The following SMARCAL1 variants were observed in gnomAD, a reference collection of about 807,000 sequenced individuals.
The protein encoded by SMARCAL1 is SNF2 related chromatin remodeling annealing helicase 1.
SMARCAL1 carries 58 observed loss-of-function variants against 94.5 expected under a neutral mutation model. The ratio of observed to expected loss-of-function variants is 0.61; its 90% CI spans 0.50 to 0.76. The LOEUF (loss-of-function observed/expected upper bound fraction) is 0.76. SMARCAL1 is among the 30% of genes least tolerant of loss of function. The pLI is 0.00. For synonymous variants in SMARCAL1, 422 were observed against 455.1 expected (o/e 0.93, Z 0.93); for missense variants, 1,051 against 1,177.9 (o/e 0.89, Z 1.58).
In SMARCAL1 at chr2:216,461,055, GGTGTGTGTGT is replaced by G. The variant is rs71054476; in HGVS notation, c.2071-3515_2071-3506del. On this transcript the variant is annotated intron_variant, in intron 12 of 17. Coordinates refer to ENST00000357276, the MANE Select transcript of SMARCAL1 (RefSeq NM_014140.4). ...TTATATTGATGTAAAACTAGAAAGA[GGTGTGTGTGT>G]GTGTGTGTGTGTGTGTGTGTGTGTG... is the stretch of plus-strand genomic sequence containing the variant. Among the ~76,000 whole-genome samples, 56 of 146,348 alleles carry G rather than the reference GGTGTGTGTGT, an allele frequency of 3.8e-4. 1 individual carries two copies. Among genetic ancestry groups the G allele is most frequent in the Non-Finnish European group, 2.4e-4 (16 of 66,204 alleles).
chr2:216,416,418 T>A lies in SMARCAL1; in HGVS notation c.862+111T>A, dbSNP rs200990164. ...GCATGGCTTTACAGGTGGTGAAAGC[T>A]TTCAGGGCACCCCCCCCAACACTCC... is the stretch of plus-strand genomic sequence containing the variant. On this transcript the variant is annotated intron_variant, in intron 4 of 17. Coordinates refer to ENST00000357276, the MANE Select transcript of SMARCAL1 (RefSeq NM_014140.4). 563 of 879,880 alleles carry A rather than the reference T, an allele frequency of 6.4e-4. 4 individuals are homozygous for A. The East Asian group carries it at 0.013, about 21-fold the overall frequency. 54.5% of individuals were successfully genotyped at this position (879,880 alleles called of 1,614,324 possible).
chr2:216,445,136 T>C (rs77396055), intron 10 of SMARCAL1, among the ~76,000 whole-genome samples: 2,303 of 152,296 alleles, frequency 0.015, 58 homozygotes, highest in African/African-American at 0.053. Context: ...TATGTAGTTT[T>C]ATAGATTTCT....
intron 10 of SMARCAL1, among the ~76,000 whole-genome samples, chr2:216,442,453 A>C (rs1283862770): frequency 6.6e-6 from 1 of 152,048 alleles, no homozygotes; most frequent in Admixed American, 6.5e-5. Flanking sequence ...ACAATACAAA[A>C]GGATGGACAG....
chr2:216,429,690 C>A (rs994434415), intron 7 of SMARCAL1, among the ~76,000 whole-genome samples: 1 of 151,718 alleles, frequency 6.6e-6, no homozygotes, highest in African/African-American at 2.4e-5. Flanking sequence ...CCTGCCTGCT[C>A]GAAGCCTGAT....
intron 13 of SMARCAL1, 98 bp from the exon 14 acceptor site, chr2:216,467,846 T>C (rs1015453222): frequency 4.2e-5 from 34 of 800,244 alleles, no homozygotes; most frequent in Admixed American, 2.2e-4. Flanking sequence ...TCATCTTCTA[T>C]GATCCCAGAT....
chr2:216,412,720 G>C (rs1232081644), intron 1 of SMARCAL1, 72 bp downstream of exon 1: 1 of 152,976 alleles, frequency 6.5e-6, no homozygotes, highest in Non-Finnish European at 1.5e-5. Context: ...AGGAGGAAGT[G>C]GGCCAATGGG....
intron 12 of SMARCAL1, among the ~76,000 whole-genome samples, chr2:216,461,342 TTATG>T (rs762598272): frequency 1.1e-4 from 17 of 151,942 alleles, no homozygotes; most frequent in Non-Finnish European, 2.2e-4. Flanking sequence ...TTTTCTATAA[TTATG>T]TGTGTATATG....
Position 216,450,965 on chromosome 2 carries a change from GCA to G in SMARCAL1, c.1972_1973del (p.Gln658AlafsTer33). 6.2e-7 allele frequency: 1 copy of G among 1,614,234 alleles called. No individual in the cohort carries two copies. The highest frequency in any genetic ancestry group is 8.5e-7 in the Non-Finnish European group (1 of 1,180,034). ...ACGTCCTTTCCCAGCTGCCTGCCAA[GCA>G]GCGCAAGATAGTGGTGATTGCCCCA... The part of the protein sequence containing the change: ...SDVLSQLPAK[Q>X]RKIVVIAPGR... On this transcript the variant is annotated frameshift_variant, in exon 12 of 18. Coordinates refer to ENST00000357276, the MANE Select transcript of SMARCAL1 (RefSeq NM_014140.4). LOFTEE classifies it high-confidence loss of function.
chr2:216,413,282 C>T (rs760056673), intron 1 of SMARCAL1, among the ~76,000 whole-genome samples: 1 of 152,208 alleles, frequency 6.6e-6, no homozygotes, highest in African/African-American at 2.4e-5. Context: ...AACCGTTACA[C>T]AGCATTACAT....
chr2:216,428,735 C>T lies in SMARCAL1; in HGVS notation c.1287C>T (p.Asp429=). The T allele has an allele frequency of 2.5e-6, 4 of 1,614,222 alleles. No individual in the cohort carries two copies. The highest frequency in any genetic ancestry group is 3.4e-6 in the Non-Finnish European group (4 of 1,180,028). The change falls in exon 7 of 18, where the codon GAC becomes GAT. Residue 429 remains aspartate (D), a synonymous_variant. Transcript: ENST00000357276. Reference sequence around the variant, plus strand: ...CAGAGGCAGACCTTTCTGAAGTGGACCCCAAGCTCGTGTCTAATCTGATGC... The same window carrying T: ...CAGAGGCAGACCTTTCTGAAGTGGATCCCAAGCTCGTGTCTAATCTGATGC... The part of the protein sequence containing the change: ...DVPEADLSEV[D]PKLVSNLMPF...
intron 14 of SMARCAL1, among the ~76,000 whole-genome samples, 160 bp downstream of exon 14, chr2:216,468,206 G>T (rs1694876096): frequency 6.6e-6 from 1 of 152,188 alleles, no homozygotes; most frequent in African/African-American, 2.4e-5. Flanking sequence ...CCACAGTGGG[G>T]TCAAAATGTT....
intron 10 of SMARCAL1, 90 bp downstream of exon 10, chr2:216,438,575 T>G: frequency 4.5e-6 from 5 of 1,108,464 alleles, no homozygotes; most frequent in Non-Finnish European, 6.7e-6. Flanking sequence ...CAGCAGGGGT[T>G]GCAAGTATAG....
At chr2:216,440,973 A>G (rs1038031978) in intron 10 of SMARCAL1, among the ~76,000 whole-genome samples, 1 of 152,160 alleles carries the variant, frequency 6.6e-6, no homozygotes, top group African/African-American at 2.4e-5. Context: ...AGAACCACCA[A>G]TCTAAATAAG....
chr2:216,418,193 A>G (rs1693645999), intron 4 of SMARCAL1, among the ~76,000 whole-genome samples: 1 of 152,216 alleles, frequency 6.6e-6, no homozygotes, highest in Non-Finnish European at 1.5e-5. Context: ...TGTTGGGATT[A>G]TAGATGTGAG....
intron 14 of SMARCAL1, among the ~76,000 whole-genome samples, chr2:216,470,635 G>A (rs1694943957): frequency 6.6e-6 from 1 of 151,488 alleles, no homozygotes; most frequent in East Asian, 1.9e-4. Context: ...CCTCAGGAAT[G>A]TACCACCACG....
At chr2:216,413,142 G>A (rs1236420229) in intron 1 of SMARCAL1, among the ~76,000 whole-genome samples, 4 of 142,898 alleles carry the variant, frequency 2.8e-5, no homozygotes, top group African/African-American at 1.0e-4. Context: ...TAGATACTTC[G>A]TGGTGGGGGA....
chr2:216,416,727 A>C (rs1056055008), intron 4 of SMARCAL1, among the ~76,000 whole-genome samples: 9 of 152,216 alleles, frequency 5.9e-5, no homozygotes, highest in Non-Finnish European at 1.3e-4. Context: ...TGCTGGCCCC[A>C]GCAGTGACAG....
At chr2:216,437,197 G>A (rs951278117) in intron 9 of SMARCAL1, among the ~76,000 whole-genome samples, 7 of 152,134 alleles carry the variant, frequency 4.6e-5, no homozygotes, top group African/African-American at 1.4e-4. Context: ...TGGTTGAAAG[G>A]GCCCATTCTC....
chr2:216,431,003 G>A (rs771912355), intron 7 of SMARCAL1, among the ~76,000 whole-genome samples: 6 of 152,224 alleles, frequency 3.9e-5, no homozygotes, highest in Non-Finnish European at 7.3e-5. Context: ...CCCACTGCTC[G>A]GCTCCGTTCC....
Sources: gnomAD v4.1 joint callset for allele counts (sites outside exome capture counted in the v4.1 genomes callset) on GRCh38, gnomAD v4.1.1 for gene constraint, MANE v1.5 for transcripts, NCBI Gene and HGNC (gene_info 2026-07-23, HGNC 2026-07-21) for gene names.